DLGAP2: variants seen among roughly 807,000 people sequenced by gnomAD.
DLGAP2 encodes the protein disks large-associated protein 2.
Under a neutral mutation model 100.3 loss-of-function variants are expected in DLGAP2, and 26 were observed. The ratio of observed to expected loss-of-function variants is 0.26; its 90% CI spans 0.19 to 0.36. The LOEUF (loss-of-function observed/expected upper bound fraction) is 0.36. Ranked by LOEUF, DLGAP2 falls within the 10% of genes least tolerant of loss-of-function variation. The probability of loss-of-function intolerance (pLI) is 1.00; values close to 1 mark genes in which losing one functional copy is unlikely to be tolerated. For missense variants in DLGAP2, 1,858 were observed against 1,453.2 expected (o/e 1.28, Z -4.53); for synonymous variants, 886 against 630.1 (o/e 1.41, Z -6.08).
chr8:1,555,391 G>A (rs973289377), intron 5 of DLGAP2, among the ~76,000 whole-genome samples: 1 of 152,176 alleles, frequency 6.6e-6, no homozygotes, highest in African/African-American at 2.4e-5. Context: ...CCTGTCCTGT[G>A]GCCCAGGCCA....
At chr8:1,416,292 C>G (rs929963779) in intron 3 of DLGAP2, among the ~76,000 whole-genome samples, 2 of 152,190 alleles carry the variant, frequency 1.3e-5, no homozygotes, top group Non-Finnish European at 2.9e-5. Flanking sequence ...GTTCCCGTCA[C>G]GACGGCCATG....
intron 5 of DLGAP2, among the ~76,000 whole-genome samples, chr8:1,560,046 CATT>C (rs1802108012): frequency 6.6e-6 from 1 of 152,180 alleles, no homozygotes; most frequent in Non-Finnish European, 1.5e-5. Flanking sequence ...ATTGTAATGT[CATT>C]GAGAACTGTG....
chr8:1,341,844 G>T (rs1213417245), intron 3 of DLGAP2, among the ~76,000 whole-genome samples: 1 of 152,218 alleles, frequency 6.6e-6, no homozygotes, highest in African/African-American at 2.4e-5. Context: ...ACATGGACCT[G>T]TAGCTTATGG....
At chr8:1,669,300 G>T (rs1798627533) in intron 9 of DLGAP2, among the ~76,000 whole-genome samples, 1 of 152,194 alleles carries the variant, frequency 6.6e-6, no homozygotes, top group South Asian at 2.1e-4. Flanking sequence ...TATAGACGTG[G>T]CAGACGGTTC....
intron 4 of DLGAP2, among the ~76,000 whole-genome samples, chr8:1,516,608 T>G (rs561425625): frequency 1.3e-5 from 2 of 151,292 alleles, no homozygotes; most frequent in African/African-American, 4.9e-5. Context: ...CATGAATGAG[T>G]GAGTGAATCA....
intron 3 of DLGAP2, among the ~76,000 whole-genome samples, chr8:1,481,324 C>T (rs1238119698): frequency 2.0e-5 from 3 of 152,060 alleles, no homozygotes; most frequent in Admixed American, 6.5e-5. Flanking sequence ...AACTGATGAG[C>T]GTGACCGTTC....
intron 2 of DLGAP2, among the ~76,000 whole-genome samples, chr8:1,142,142 A>C: frequency 6.6e-6 from 1 of 152,058 alleles, no homozygotes; most frequent in Non-Finnish European, 1.5e-5. Flanking sequence ...TGGAAAGTAA[A>C]TTTGCATTTT....
In DLGAP2 at chr8:1,549,486, A is replaced by G; in HGVS notation, c.1033A>G (p.Ser345Gly). 3.1e-6 allele frequency: 5 copies of G among 1,613,526 alleles called. No individual in the cohort carries two copies. The highest frequency in any genetic ancestry group is 4.2e-6 in the Non-Finnish European group (5 of 1,179,836). ...FGDLSLKTSKSNNDVKCSACE... is the reference protein window; with the variant it reads ...FGDLSLKTSKGNNDVKCSACE... ...GGACCTGTCCCTCAAGACCTCCAAG[A>G]GCAACAACGACGTCAAGTGCTCGGC... Residue 345 changes from serine (S) to glycine (G), a missense_variant, in exon 5 of 15, where the codon AGC (serine) becomes GGC (glycine). Coordinates refer to ENST00000637795, the MANE Select transcript of DLGAP2 (RefSeq NM_001346810.2).
chr8:812,128 G>A (rs1796383135), intron 1 of DLGAP2, among the ~76,000 whole-genome samples: 1 of 152,326 alleles, frequency 6.6e-6, no homozygotes, highest in East Asian at 1.9e-4. Flanking sequence ...GAGATTTAAT[G>A]CGAGGAAGTG....
chr8:1,286,793 A>G (rs1279433270), intron 3 of DLGAP2, among the ~76,000 whole-genome samples: 2 of 152,230 alleles, frequency 1.3e-5, no homozygotes, highest in Non-Finnish European at 2.9e-5. Context: ...GTGTCTCTGG[A>G]TTCAACTCAA....
At chr8:1,373,476 T>C (rs6996519) in intron 3 of DLGAP2, among the ~76,000 whole-genome samples, 109,811 of 151,782 alleles carry the variant, frequency 0.72, 40,291 homozygotes, top group South Asian at 0.84. Flanking sequence ...GAATCCGGGA[T>C]CAGGTTTGTG....
chr8:797,983 G>A (rs1238821508), intron 1 of DLGAP2, among the ~76,000 whole-genome samples: 2 of 152,118 alleles, frequency 1.3e-5, no homozygotes, highest in Middle Eastern at 3.4e-3. Context: ...AACTCCTGAT[G>A]TCGTGATACG....
At chr8:957,123 C>G (rs1466783283) in intron 2 of DLGAP2, among the ~76,000 whole-genome samples, 1 of 152,208 alleles carries the variant, frequency 6.6e-6, no homozygotes, top group African/African-American at 2.4e-5. Context: ...GAATCAGAGT[C>G]AGTTGGAAAC....
chr8:1,102,271 A>T (rs548596395), intron 2 of DLGAP2, among the ~76,000 whole-genome samples: 3 of 147,628 alleles, frequency 2.0e-5, no homozygotes, highest in South Asian at 4.2e-4. Flanking sequence ...TTACATACAT[A>T]TATAATATAT....
intron 1 of DLGAP2, among the ~76,000 whole-genome samples, chr8:872,137 C>CT (rs1273498332): frequency 2.6e-5 from 4 of 152,010 alleles, no homozygotes; most frequent in Non-Finnish European, 5.9e-5. Flanking sequence ...ATTTAGTGAG[C>CT]TTTCTTCTCA....
chr8:1,032,350 C>T (rs1000950912), intron 2 of DLGAP2, among the ~76,000 whole-genome samples: 22 of 152,340 alleles, frequency 1.4e-4, no homozygotes, highest in African/African-American at 4.6e-4. Flanking sequence ...CGTCTGCCTG[C>T]CTGTCACTCG....
chr8:1,518,357 G>A (rs1303390552), intron 4 of DLGAP2, among the ~76,000 whole-genome samples: 6 of 152,072 alleles, frequency 3.9e-5, no homozygotes, highest in Non-Finnish European at 8.8e-5. Flanking sequence ...TCAGATTGTC[G>A]GTTCTGTGGC....
chr8:1,430,039 C>CGT (rs1797380437), intron 3 of DLGAP2, among the ~76,000 whole-genome samples: 1 of 33,402 alleles, frequency 3.0e-5, no homozygotes, highest in Non-Finnish European at 7.9e-5. Context: ...CACACACACA[C>CGT]ATATGAACTT....
At chr8:1,313,561 A>G (rs1800660854) in intron 3 of DLGAP2, among the ~76,000 whole-genome samples, 1 of 152,178 alleles carries the variant, frequency 6.6e-6, no homozygotes, top group Admixed American at 6.5e-5. Flanking sequence ...TTCCTCATAA[A>G]GGTTTTTCCT....
Sources: gnomAD v4.1 joint callset for allele counts (sites outside exome capture counted in the v4.1 genomes callset) on GRCh38, gnomAD v4.1.1 for gene constraint, MANE v1.5 for transcripts, NCBI Gene and HGNC (gene_info 2026-07-23, HGNC 2026-07-21) for gene names.